Variants in MACROD2 observed in about 807,000 individuals in gnomAD.
MACROD2 encodes ADP-ribose glycohydrolase MACROD2.
MACROD2 carries 36 observed loss-of-function variants against 70.4 expected under a neutral mutation model. The ratio of observed to expected loss-of-function variants is 0.51; its 90% confidence interval spans 0.39 to 0.68. The LOEUF (loss-of-function observed/expected upper bound fraction) is 0.68. Among genes scored for constraint, MACROD2 ranks in the 30% least tolerant of loss-of-function variants. The pLI, the probability that MACROD2 is intolerant of heterozygous loss-of-function variation, is 0.00. For missense variants in MACROD2, 496 were observed against 538.4 expected (o/e 0.92, Z 0.78); for synonymous variants, 172 against 178.8 (o/e 0.96, Z 0.30).
At chr20:14,090,954 A>T (rs1470041362) in intron 3 of MACROD2, among the ~76,000 whole-genome samples, 1 of 152,076 alleles carries the variant, frequency 6.6e-6, no homozygotes, top group African/African-American at 2.4e-5. Context: ...GTGTGAAATG[A>T]TATCTCATTG....
chr20:16,029,856 T>C (rs1251013030), intron 15 of MACROD2, among the ~76,000 whole-genome samples: 1 of 152,154 alleles, frequency 6.6e-6, no homozygotes, highest in Admixed American at 6.5e-5. Flanking sequence ...CTAGAACTAA[T>C]TATCTCTAGC....
intron 17 of MACROD2, among the ~76,000 whole-genome samples, chr20:16,045,352 C>A (rs2067365307): frequency 6.6e-6 from 1 of 152,096 alleles, no homozygotes; most frequent in South Asian, 2.1e-4. Context: ...TAACTGAGTC[C>A]AAAGCCAGTA....
At chr20:15,423,525 T>C (rs911870564) in intron 6 of MACROD2, among the ~76,000 whole-genome samples, 1 of 152,168 alleles carries the variant, frequency 6.6e-6, no homozygotes, top group African/African-American at 2.4e-5. Context: ...TTCTGGAGGC[T>C]GGGAAGTCCA....
intron 6 of MACROD2, 113 bp from the exon 7 acceptor site, chr20:15,431,292 G>A: frequency 2.2e-6 from 2 of 917,390 alleles, no homozygotes; most frequent in South Asian, 2.9e-5. Flanking sequence ...TCATAGCTCT[G>A]AATATGTAAG....
intron 13 of MACROD2, among the ~76,000 whole-genome samples, chr20:15,979,181 C>G (rs565050438): frequency 6.6e-6 from 1 of 152,256 alleles, no homozygotes; most frequent in East Asian, 1.9e-4. Context: ...CAAATAACCC[C>G]AACAGTTTCA....
At chr20:14,265,453 A>G (rs485293) in intron 3 of MACROD2, among the ~76,000 whole-genome samples, 94,160 of 151,996 alleles carry the variant, frequency 0.62, 30,885 homozygotes, top group Non-Finnish European at 0.74. Flanking sequence ...CTGACTCAAT[A>G]TACACTCTTA....
Position 15,454,658 on chromosome 20 carries a change from T to TGGAG in MACROD2, c.571+23223_571+23224insGGAG, listed in dbSNP as rs1452263979. On this transcript the variant is annotated intron_variant, in intron 7 of 17. Coordinates refer to ENST00000684519, the MANE Select transcript of MACROD2 (RefSeq NM_001351661.2). Reference sequence around the variant, plus strand: ...ACATTCCAGGCCAAGTTTCCAGCAGTCACGCTGGCTCTCTTCATAAATCTG... The same window carrying TGGAG: ...ACATTCCAGGCCAAGTTTCCAGCAGTGGAGCACGCTGGCTCTCTTCATAAATCTG... 4.0e-3 allele frequency among the ~76,000 whole-genome samples: 524 copies of TGGAG among 129,440 alleles called. 4 individuals are homozygous for TGGAG. The highest frequency in any genetic ancestry group is 0.01 in the South Asian group (37 of 3,608). 84.9% of individuals were successfully genotyped at this position (129,440 alleles called of 152,430 possible).
chr20:15,296,998 A>T (rs2077595803), intron 6 of MACROD2, among the ~76,000 whole-genome samples: 1 of 152,084 alleles, frequency 6.6e-6, no homozygotes. Flanking sequence ...TTTGGCCTTC[A>T]TTTCCCTGGT....
At chr20:14,124,037 A>AT (rs924449846) in intron 3 of MACROD2, among the ~76,000 whole-genome samples, 14 of 151,754 alleles carry the variant, frequency 9.2e-5, no homozygotes, top group African/African-American at 2.4e-4. Flanking sequence ...TATTTTTTCC[A>AT]TTTTTTTTCT....
At chr20:15,677,375 G>A (rs947216904) in intron 8 of MACROD2, among the ~76,000 whole-genome samples, 1 of 152,044 alleles carries the variant, frequency 6.6e-6, no homozygotes, top group Non-Finnish European at 1.5e-5. Flanking sequence ...ATGCGGTGGT[G>A]GGGGGAAGTG....
chr20:15,606,122 T>G (rs1205935817), intron 8 of MACROD2, among the ~76,000 whole-genome samples: 2 of 152,192 alleles, frequency 1.3e-5, no homozygotes, highest in African/African-American at 2.4e-5. Context: ...CTGTCTCTAG[T>G]CTCTTACCCT....
chr20:14,796,955 T>A (rs1049320224), intron 5 of MACROD2, among the ~76,000 whole-genome samples: 1 of 151,948 alleles, frequency 6.6e-6, no homozygotes, highest in African/African-American at 2.4e-5. Context: ...ATCTAAGATG[T>A]CTGGAACAAG....
intron 5 of MACROD2, among the ~76,000 whole-genome samples, chr20:14,792,015 T>C (rs900414097): frequency 6.6e-6 from 1 of 152,052 alleles, no homozygotes; most frequent in African/African-American, 2.4e-5. Context: ...ATTATGAACA[T>C]TTATCTTACA....
intron 6 of MACROD2, among the ~76,000 whole-genome samples, chr20:15,375,463 C>T (rs539703207): frequency 4.6e-5 from 7 of 151,978 alleles, no homozygotes; most frequent in African/African-American, 9.6e-5. Context: ...TTATGAAGCA[C>T]GAATAAGAAC....
At chr20:14,536,768 A>G (rs2085371546) in intron 4 of MACROD2, among the ~76,000 whole-genome samples, 1 of 152,128 alleles carries the variant, frequency 6.6e-6, no homozygotes, top group South Asian at 2.1e-4. Context: ...GAACAGATCT[A>G]TTTGTGAAAC....
intron 5 of MACROD2, among the ~76,000 whole-genome samples, chr20:15,066,320 G>T (rs570970316): frequency 6.6e-6 from 1 of 151,464 alleles, no homozygotes; most frequent in East Asian, 2.0e-4. Flanking sequence ...TTTTAGTAGA[G>T]ACACGGTTTC....
chr20:14,774,491 T>C (rs1343043227), intron 5 of MACROD2, among the ~76,000 whole-genome samples: 1 of 152,104 alleles, frequency 6.6e-6, no homozygotes, highest in Non-Finnish European at 1.5e-5. Context: ...TGAATTCTGA[T>C]GTGAATTAGC....
At chr20:14,209,571 A>G (rs2081554349) in intron 3 of MACROD2, among the ~76,000 whole-genome samples, 2 of 152,202 alleles carry the variant, frequency 1.3e-5, no homozygotes, top group South Asian at 4.1e-4. Context: ...CTTAAAACCA[A>G]TAATTTATTT....
At chr20:14,705,709 T>G (rs1336196100) in intron 5 of MACROD2, among the ~76,000 whole-genome samples, 2 of 152,220 alleles carry the variant, frequency 1.3e-5, no homozygotes, top group Non-Finnish European at 2.9e-5. Context: ...TTATAATTTC[T>G]TATTTTTTTC....
Sources: allele counts gnomAD v4.1 joint callset (sites outside exome capture counted in the v4.1 genomes callset), GRCh38; gene constraint gnomAD v4.1.1; transcripts MANE v1.5; gene names NCBI Gene and HGNC (gene_info 2026-07-23, HGNC 2026-07-21).